COTL1: variants seen among roughly 807,000 people sequenced by gnomAD.
The protein encoded by COTL1 is coactosin-like protein.
Under a neutral mutation model 16.5 loss-of-function variants are expected in COTL1, and 15 were observed. That is an observed-to-expected ratio of 0.91 (90% CI 0.61 to 1.40). COTL1 has a LOEUF of 1.40. Among genes scored for constraint, COTL1 ranks in the 40% most tolerant of loss-of-function variants. The probability of loss-of-function intolerance (pLI) is 0.00; values close to 1 mark genes in which losing one functional copy is unlikely to be tolerated. For missense variants in COTL1, 220 were observed against 201.5 expected, an observed-to-expected ratio of 1.09 and a Z score of -0.56; for synonymous variants, 112 against 85.3, an observed-to-expected ratio of 1.31 and a Z score of -1.73.
At chr16:84,594,749 T>C (rs1422706483) in intron 2 of COTL1, 1 of 152,288 alleles carries the variant, frequency 6.6e-6, no homozygotes. Context: ...CAGCCCTGCT[T>C]TGGGCCAACG....
intron 3 of COTL1, among the ~76,000 whole-genome samples, chr16:84,582,853 G>A (rs372304109): frequency 5.3e-5 from 8 of 151,766 alleles, no homozygotes; most frequent in African/African-American, 1.9e-4. Flanking sequence ...AGCTGATGGC[G>A]CCAGAATATC....
intron 2 of COTL1, among the ~76,000 whole-genome samples, chr16:84,613,697 T>A (rs866442484): frequency 1.3e-5 from 2 of 152,122 alleles, no homozygotes; most frequent in Non-Finnish European, 2.9e-5. Context: ...TAAGGGCAAA[T>A]AGACTGTTGC....
chr16:84,617,610 C>G, intron 1 of COTL1, 27 bp from the exon 2 acceptor site: 1 of 1,545,768 alleles, frequency 6.5e-7, no homozygotes, highest in South Asian at 1.2e-5. Flanking sequence ...GAAAAAAACA[C>G]ACACACACAT....
At chr16:84,575,036 T>G (rs1000587962) in intron 3 of COTL1, among the ~76,000 whole-genome samples, 4 of 152,176 alleles carry the variant, frequency 2.6e-5, no homozygotes, top group Non-Finnish European at 5.9e-5. Flanking sequence ...TCTTTTCTCA[T>G]TTATTTATTT....
In COTL1 at chr16:84,573,645, C is replaced by T. The variant is rs141911883; in HGVS notation, c.319-6690G>A. Reference sequence around the variant, plus strand: ...CAAAGAATTAGCTGGGTGTGAGAGGCGGGAGAATCGCTTGAACCGGGGAGG... The same window carrying T: ...CAAAGAATTAGCTGGGTGTGAGAGGTGGGAGAATCGCTTGAACCGGGGAGG... On this transcript the variant is annotated intron_variant, in intron 3 of 3. Coordinates refer to ENST00000262428, the MANE Select transcript of COTL1 (RefSeq NM_021149.5). Among the ~76,000 whole-genome samples, 1,125 of 151,694 alleles carry T rather than the reference C, an allele frequency of 7.4e-3. 15 individuals are homozygous for T. Among genetic ancestry groups the T allele is most frequent in the African/African-American group, 0.026 (1,064 of 41,362 alleles).
intron 3 of COTL1, among the ~76,000 whole-genome samples, chr16:84,571,890 C>A (rs1904343204): frequency 6.6e-6 from 1 of 152,194 alleles, no homozygotes; most frequent in Non-Finnish European, 1.5e-5. Context: ...GGTGGTCAGG[C>A]CGCATGGAGG....
rs187312365 is a variant in COTL1, at chr16:84,597,460, G to A, written c.161-7198C>T. 1.7e-3 allele frequency among the ~76,000 whole-genome samples: 258 copies of A among 152,264 alleles called. 1 individual carries two copies. The highest frequency in any genetic ancestry group is 5.7e-3 in the African/African-American group (235 of 41,556). ...CAGCAGTTCTCAAAGTGTGGTCCTCGGACCAGCAGCACCACAGCACCCGGG... is the reference window on the plus strand; with the variant it reads ...CAGCAGTTCTCAAAGTGTGGTCCTCAGACCAGCAGCACCACAGCACCCGGG... On this transcript the variant is annotated intron_variant, in intron 2 of 3. Transcript: ENST00000262428.
Position 84,565,745 on chromosome 16 carries a change from G to A in COTL1, c.*1100C>T, listed in dbSNP as rs1250781217. On this transcript the variant is annotated 3_prime_UTR_variant, in exon 4 of 4. Transcript: ENST00000262428. ...GAGCTATATCAAATGTGCTCATGAA[G>A]AACCAAGCCAATCTCACCTTTCTTT... 1 of 152,542 alleles carries A rather than the reference G, an allele frequency of 6.6e-6. No homozygotes were observed. The allele number at this position is 152,542 out of a possible 1,614,324, so 9.4% of individuals were successfully genotyped here.
chr16:84,571,830 C>G (rs575453223), intron 3 of COTL1, among the ~76,000 whole-genome samples: 1 of 152,186 alleles, frequency 6.6e-6, no homozygotes, highest in African/African-American at 2.4e-5. Flanking sequence ...GAGTGGACAC[C>G]GAGCCGCTCC....
Position 84,601,280 on chromosome 16 carries a change from A to C in COTL1, c.161-11018T>G, listed in dbSNP as rs1905101605. On this transcript the variant is annotated intron_variant, in intron 2 of 3. Transcript: ENST00000262428. The stretch of plus-strand genomic sequence containing the variant: ...GAAAATGCAATCCCTACCTTCAAAA[A>C]ATATACAGTCTACCATAGCAAACAA... 2.0e-5 allele frequency among the ~76,000 whole-genome samples: 3 copies of C among 152,170 alleles called. 1 individual carries two copies. The South Asian group carries it at 6.2e-4, about 32-fold the overall frequency.
intron 2 of COTL1, among the ~76,000 whole-genome samples, chr16:84,614,710 G>A (rs1010867485): frequency 2.0e-5 from 3 of 152,228 alleles, no homozygotes; most frequent in African/African-American, 2.4e-5. Context: ...CAGGAAGCCC[G>A]AACCAGAGTG....
intron 2 of COTL1, among the ~76,000 whole-genome samples, chr16:84,591,835 A>C (rs1172972586): frequency 2.3e-4 from 21 of 92,134 alleles, no homozygotes; most frequent in African/African-American, 9.7e-4. Context: ...AATAAAATAA[A>C]ATAAAATAAA....
At position 84,617,967 on chromosome 16, in the gene COTL1, C is replaced by A. The variant is rs1905548372; in HGVS notation, c.-53G>T. 4 of 1,373,108 alleles carry A rather than the reference C, an allele frequency of 2.9e-6. No individual in the cohort carries two copies. Among genetic ancestry groups the A allele is most frequent in the South Asian group, 1.5e-5 (1 of 66,564 alleles). The allele number at this position is 1,373,108 out of a possible 1,614,324, so 85.1% of individuals were successfully genotyped here. A position where few individuals can be genotyped will look rare whatever the true frequency, so the allele number is the denominator to read the frequency against. Reference sequence around the variant, plus strand: ...CCGGGGCGGCCGAGCGCGCCCCTGGCCGGCGGCGGGGATGGGAGCGCGGCG... The same window carrying A: ...CCGGGGCGGCCGAGCGCGCCCCTGGACGGCGGCGGGGATGGGAGCGCGGCG... On this transcript the variant is annotated 5_prime_UTR_variant, in exon 1 of 4. Coordinates refer to ENST00000262428, the MANE Select transcript of COTL1 (RefSeq NM_021149.5).
chr16:84,610,986 A>G (rs2925051), intron 2 of COTL1, among the ~76,000 whole-genome samples: 16,614 of 152,264 alleles, frequency 0.11, 913 homozygotes, highest in Admixed American at 0.14. Flanking sequence ...TACTTTAACA[A>G]TAACCACATT....
chr16:84,579,414 G>C (rs924176718), intron 3 of COTL1, among the ~76,000 whole-genome samples: 1 of 152,208 alleles, frequency 6.6e-6, no homozygotes, highest in Non-Finnish European at 1.5e-5. Context: ...CTTGAACCAC[G>C]AGGCAGAGGT....
intron 2 of COTL1, among the ~76,000 whole-genome samples, chr16:84,610,047 C>G (rs1462394728): frequency 6.6e-6 from 1 of 152,202 alleles, no homozygotes; most frequent in Non-Finnish European, 1.5e-5. Context: ...TCCACACTTA[C>G]CACATGACAG....
At chr16:84,589,560 G>C (rs1029417978) in intron 3 of COTL1, among the ~76,000 whole-genome samples, 1 of 151,820 alleles carries the variant, frequency 6.6e-6, no homozygotes, top group Non-Finnish European at 1.5e-5. Flanking sequence ...ACCCTACCCC[G>C]GGGTTACCTT....
At chr16:84,602,324 G>A (rs998543297) in intron 2 of COTL1, among the ~76,000 whole-genome samples, 7 of 151,710 alleles carry the variant, frequency 4.6e-5, no homozygotes, top group African/African-American at 1.7e-4. Flanking sequence ...CCAGGAGGTT[G>A]AGGCTGCAGT....
chr16:84,572,651 G>A (rs1291109628), intron 3 of COTL1, among the ~76,000 whole-genome samples: 2 of 152,144 alleles, frequency 1.3e-5, no homozygotes, highest in Non-Finnish European at 2.9e-5. Context: ...CTGTAGAGAC[G>A]TGGTTTCGTC....
Sources: allele counts gnomAD v4.1 joint callset (sites outside exome capture counted in the v4.1 genomes callset), GRCh38; gene constraint gnomAD v4.1.1; transcripts MANE v1.5; gene names NCBI Gene and HGNC (gene_info 2026-07-23, HGNC 2026-07-21).